Variants in CHRM5 observed in about 807,000 individuals in gnomAD.
CHRM5 encodes muscarinic acetylcholine receptor M5.
CHRM5 carries 18 observed loss-of-function variants against 39.0 expected under a neutral mutation model. The observed-to-expected ratio is 0.46, with a 90% confidence interval of 0.32 to 0.68. CHRM5 has a LOEUF of 0.68. Among genes scored for constraint, CHRM5 ranks in the 30% least tolerant of loss-of-function variants. The pLI is 0.04. For synonymous variants in CHRM5, 241 were observed against 246.3 expected (o/e 0.98, Z 0.20); for missense variants, 515 against 651.1 (o/e 0.79, Z 2.28).
intron 2 of CHRM5, among the ~76,000 whole-genome samples, chr15:34,054,078 A>T: frequency 6.6e-6 from 1 of 152,240 alleles, no homozygotes; most frequent in Non-Finnish European, 1.5e-5. Flanking sequence ...GTGAAAAAAA[A>T]ACTCAACATC....
rs577265557 is a variant in CHRM5 at position 34,014,303 on chromosome 15, A to C, written c.-407-32237A>C. ...TGCTTGAACCCAGGAGGCAGAGATT[A>C]CAGTGAGCCAAGATTGTGCCATTGC... On this transcript the variant is annotated intron_variant, in intron 1 of 2. Coordinates refer to ENST00000383263, the MANE Select transcript of CHRM5 (RefSeq NM_012125.4). Among the ~76,000 whole-genome samples the C allele has an allele frequency of 2.0e-5, 3 of 149,108 alleles. No homozygotes were observed. In the South Asian group the frequency reaches 6.5e-4, roughly 32 times the overall value.
rs1482668753 is a variant in CHRM5 at position 33,968,503 on chromosome 15, G to A, written c.-1055G>A. 6.6e-6 allele frequency among the ~76,000 whole-genome samples: 1 copy of A among 152,048 alleles called. No individual in the cohort carries two copies. Among genetic ancestry groups the A allele is most frequent in the African/African-American group, 2.4e-5 (1 of 41,438 alleles). ...TAGCTCCTATCAGCTCTTCATTCAT[G>A]CCAAGTACGCTCACCGTCCAGAGAC... On this transcript the variant is annotated 5_prime_UTR_variant, in exon 1 of 3. It removes an upstream start codon present in the reference 5' UTR. Coordinates refer to ENST00000383263, the MANE Select transcript of CHRM5 (RefSeq NM_012125.4).
At chr15:34,056,554 T>C (rs1900158127) in intron 2 of CHRM5, among the ~76,000 whole-genome samples, 2 of 152,196 alleles carry the variant, frequency 1.3e-5, no homozygotes, top group Admixed American at 1.3e-4. Context: ...ACATACTACA[T>C]GGTATTTTCT....
chr15:34,008,645 T>C (rs1233811639), intron 1 of CHRM5, among the ~76,000 whole-genome samples: 2 of 137,812 alleles, frequency 1.5e-5, no homozygotes, highest in Non-Finnish European at 1.5e-5. Flanking sequence ...TGTGCCACCA[T>C]GGCAGGCTAA....
At position 34,064,364 on chromosome 15, in the gene CHRM5, T is replaced by G. The variant is rs1900455709; in HGVS notation, c.*48T>G. The G allele has an allele frequency of 2.6e-6, 4 of 1,540,220 alleles. No homozygotes were observed. The African/African-American group carries it at 4.1e-5, about 16-fold the overall frequency. On this transcript the variant is annotated 3_prime_UTR_variant, in exon 3 of 3. Coordinates refer to ENST00000383263, the MANE Select transcript of CHRM5 (RefSeq NM_012125.4). ...AGAACAATGACCACAGTCAACATCC[T>G]CTGAGGATGAGCAAGCTGATTCTGG... is the stretch of plus-strand genomic sequence containing the variant.
intron 1 of CHRM5, among the ~76,000 whole-genome samples, chr15:34,004,471 G>C (rs965770210): frequency 6.6e-6 from 1 of 152,114 alleles, no homozygotes; most frequent in African/African-American, 2.4e-5. Context: ...GTACTGATTT[G>C]AACAATCTAG....
intron 2 of CHRM5, among the ~76,000 whole-genome samples, chr15:34,055,647 A>G (rs1287601904): frequency 6.7e-6 from 1 of 148,314 alleles, no homozygotes; most frequent in Non-Finnish European, 1.5e-5. Flanking sequence ...TAAAAATACA[A>G]AAAATTAGCC....
chr15:34,041,201 C>T (rs577036706), intron 1 of CHRM5, among the ~76,000 whole-genome samples: 16 of 152,286 alleles, frequency 1.1e-4, no homozygotes, highest in Non-Finnish European at 1.9e-4. Flanking sequence ...GAACCCCTCT[C>T]CCCCTCATTA....
chr15:33,993,490 G>C (rs1896810509), intron 1 of CHRM5, among the ~76,000 whole-genome samples: 1 of 152,156 alleles, frequency 6.6e-6, no homozygotes, highest in African/African-American at 2.4e-5. Flanking sequence ...AGTGGAAGGA[G>C]GCAGGCTGGA....
chr15:33,982,062 T>G (rs906483723), intron 1 of CHRM5, among the ~76,000 whole-genome samples: 4 of 151,852 alleles, frequency 2.6e-5, no homozygotes, highest in African/African-American at 9.7e-5. Flanking sequence ...AGACAAGATT[T>G]CACCACACTG....
At chr15:34,036,293 A>G (rs1156308752) in intron 1 of CHRM5, among the ~76,000 whole-genome samples, 1 of 152,186 alleles carries the variant, frequency 6.6e-6, no homozygotes, top group African/African-American at 2.4e-5. Flanking sequence ...CTGGAGTATT[A>G]CATAGCTATG....
At chr15:34,060,656 G>A (rs950320830) in intron 2 of CHRM5, among the ~76,000 whole-genome samples, 6 of 152,186 alleles carry the variant, frequency 3.9e-5, no homozygotes, top group African/African-American at 1.4e-4. Flanking sequence ...TGGGTGGATC[G>A]CCTGGGGTCA....
intron 1 of CHRM5, chr15:34,038,720 C>G: frequency 8.9e-7 from 1 of 1,124,526 alleles, no homozygotes; most frequent in East Asian, 4.5e-5. Context: ...TGACTGGCGG[C>G]CTCGGCCCCA....
chr15:34,033,014 T>G (rs1197859004), intron 1 of CHRM5, among the ~76,000 whole-genome samples: 1 of 152,226 alleles, frequency 6.6e-6, no homozygotes, highest in East Asian at 1.9e-4. Flanking sequence ...GACATTGATA[T>G]GGCAAAACTC....
chr15:34,003,119 G>C lies in CHRM5; in HGVS notation c.-408+33969G>C, dbSNP rs879214057. 3 of 1,613,508 alleles carry C rather than the reference G, an allele frequency of 1.9e-6. No homozygotes were observed. In the South Asian group the frequency reaches 3.3e-5, roughly 18 times the overall value. On this transcript the variant is annotated intron_variant, in intron 1 of 2. Coordinates refer to ENST00000383263, the MANE Select transcript of CHRM5 (RefSeq NM_012125.4). ...ACCTCTTTTTCAATATCTTGATATC[G>C]ATCCCAGTTAGAGACAATCTTTCTT... is the stretch of plus-strand genomic sequence containing the variant.
Position 34,009,378 on chromosome 15 carries a change from T to A in CHRM5, c.-407-37162T>A, listed in dbSNP as rs76969542. Reference sequence around the variant, plus strand: ...AACTATAAAATATCACATAAATGCATATTTCTTCTCTTGTCTTCCCTTTAC... The same window carrying A: ...AACTATAAAATATCACATAAATGCAAATTTCTTCTCTTGTCTTCCCTTTAC... On this transcript the variant is annotated intron_variant, in intron 1 of 2. Transcript: ENST00000383263. 9.9e-3 allele frequency among the ~76,000 whole-genome samples: 1,507 copies of A among 152,316 alleles called. 34 individuals are homozygous for A. The highest frequency in any genetic ancestry group is 0.035 in the African/African-American group (1,439 of 41,562).
chr15:33,998,139 T>C (rs1014997338), intron 1 of CHRM5, among the ~76,000 whole-genome samples: 6 of 152,044 alleles, frequency 3.9e-5, no homozygotes, highest in Non-Finnish European at 8.8e-5. Flanking sequence ...CTGCCTTTCC[T>C]CCAATTACAG....
rs1281312280 is a variant in CHRM5, at chr15:34,065,158, T to G, written c.*842T>G. Reference sequence around the variant, plus strand: ...TCTAAACAGATATTGTGCATTCTATTTTGTGCCCATTTGAACCCATTTATT... The same window carrying G: ...TCTAAACAGATATTGTGCATTCTATGTTGTGCCCATTTGAACCCATTTATT... On this transcript the variant is annotated 3_prime_UTR_variant, in exon 3 of 3. Coordinates refer to ENST00000383263, the MANE Select transcript of CHRM5 (RefSeq NM_012125.4). The G allele has an allele frequency of 6.4e-6, 1 of 156,302 alleles. No individual in the cohort carries two copies. The highest frequency in any genetic ancestry group is 2.4e-5 in the African/African-American group (1 of 41,452). 9.7% of individuals were successfully genotyped at this position (156,302 alleles called of 1,614,324 possible).
At position 34,064,271 on chromosome 15, in the gene CHRM5, A is replaced by G. The variant is rs778538576; in HGVS notation, c.1554A>G (p.Lys518=). 1.2e-6 allele frequency: 2 copies of G among 1,614,114 alleles called. No individual in the cohort carries two copies. Among genetic ancestry groups the G allele is most frequent in the East Asian group, 2.2e-5 (1 of 44,882 alleles). The part of the protein sequence containing the change: ...MLLLCRWKKK[K]VEEKLYWQGN... ...TTCTCTGCCGATGGAAAAAGAAAAA[A>G]GTGGAAGAGAAGTTGTACTGGCAGG... is the stretch of plus-strand genomic sequence containing the variant. The change falls in exon 3 of 3, where the codon AAA becomes AAG. Residue 518 remains lysine (K), a synonymous_variant. Transcript: ENST00000383263.
Sources: gnomAD v4.1 joint callset for allele counts (sites outside exome capture counted in the v4.1 genomes callset) on GRCh38, gnomAD v4.1.1 for gene constraint, MANE v1.5 for transcripts, NCBI Gene and HGNC (gene_info 2026-07-23, HGNC 2026-07-21) for gene names.